The following GPR174 variants were observed in gnomAD, a reference collection of about 807,000 sequenced individuals.
GPR174 encodes probable G protein-coupled receptor 174.
Under a neutral mutation model 16.5 loss-of-function variants are expected in GPR174, and 8 were observed. The ratio of observed to expected loss-of-function variants is 0.48; its 90% CI spans 0.28 to 0.87. GPR174 has a LOEUF of 0.87. GPR174 is among the 40% of genes least tolerant of loss of function. The pLI, the probability that GPR174 is intolerant of heterozygous loss-of-function variation, is 0.09. For synonymous variants in GPR174, 111 were observed against 94.8 expected, an observed-to-expected ratio of 1.17 and a Z score of -0.99; for missense variants, 214 against 247.5, an observed-to-expected ratio of 0.86 and a Z score of 0.91.
chrX:79,158,976 G>T (rs893720085), intron 2 of GPR174, among the ~76,000 whole-genome samples: 2 of 109,325 alleles, frequency 1.8e-5, no homozygotes, highest in African/African-American at 6.7e-5. Context: ...CATACTGCAT[G>T]CCTGTATCAA....
intron 2 of GPR174, among the ~76,000 whole-genome samples, chrX:79,167,625 G>T (rs12845853): frequency 1.8e-5 from 2 of 109,985 alleles, no homozygotes; most frequent in African/African-American, 6.6e-5. Context: ...CTGAGAAAAG[G>T]CAATATGACT....
At position 79,172,055 on chromosome X, in the gene GPR174, A is replaced by G; in HGVS notation, c.*46A>G. 8 of 1,125,647 alleles carry G rather than the reference A, an allele frequency of 7.1e-6. No individual in the cohort carries two copies. In the Middle Eastern group the frequency reaches 1.8e-3, roughly 248 times the overall value. The allele number at this position is 1,125,647 out of a possible 1,213,427, so 92.8% of individuals were successfully genotyped here. ...GTGACCTGAAATGCAAGTACATCAG[A>G]ACATATCTGCAATACCCAAGCCACA... On this transcript the variant is annotated 3_prime_UTR_variant, in exon 3 of 3. Coordinates refer to ENST00000645147, the MANE Select transcript of GPR174 (RefSeq NM_032553.3).
intron 2 of GPR174, among the ~76,000 whole-genome samples, chrX:79,162,657 A>T (rs1921264058): frequency 8.9e-6 from 1 of 112,078 alleles, no homozygotes; most frequent in Admixed American, 9.5e-5. Flanking sequence ...AGATTTACTA[A>T]TGGACATTTA....
chrX:79,153,013 C>T (rs758220982), intron 1 of GPR174, among the ~76,000 whole-genome samples: 2 of 111,869 alleles, frequency 1.8e-5, no homozygotes, highest in Non-Finnish European at 3.8e-5. Context: ...GATTGAAGTG[C>T]TTATGAGGAG....
intron 2 of GPR174, among the ~76,000 whole-genome samples, chrX:79,161,763 G>T (rs1056311037): frequency 4.5e-5 from 5 of 111,654 alleles, no homozygotes; most frequent in Non-Finnish European, 9.4e-5. Flanking sequence ...ATATTTTTGG[G>T]TACTTGCCAA....
At chrX:79,153,244 T>G (rs890373451) in intron 1 of GPR174, among the ~76,000 whole-genome samples, 4 of 111,833 alleles carry the variant, frequency 3.6e-5, no homozygotes, top group Admixed American at 1.9e-4. Context: ...TTTTTTCTGT[T>G]GTGTCACTTC....
chrX:79,161,621 G>T (rs1055961436), intron 2 of GPR174, among the ~76,000 whole-genome samples: 6 of 111,848 alleles, frequency 5.4e-5, no homozygotes, highest in African/African-American at 2.0e-4. Context: ...CTTACTCTCT[G>T]AGTAAATAAT....
intron 1 of GPR174, among the ~76,000 whole-genome samples, chrX:79,155,486 A>T (rs1189783639): frequency 9.0e-6 from 1 of 111,489 alleles, no homozygotes; most frequent in Non-Finnish European, 1.9e-5. Flanking sequence ...TTTATTAAGG[A>T]GTTTTAATGT....
At chrX:79,158,484 G>A (rs1470971641) in intron 2 of GPR174, among the ~76,000 whole-genome samples, 10 of 91,977 alleles carry the variant, frequency 1.1e-4, no homozygotes, top group East Asian at 3.3e-4. Flanking sequence ...TTGCTCTGTC[G>A]CCAGGCTGGA....
chrX:79,152,146 C>T (rs1199169743), intron 1 of GPR174, among the ~76,000 whole-genome samples: 3 of 111,442 alleles, frequency 2.7e-5, no homozygotes, highest in African/African-American at 9.8e-5. Flanking sequence ...TACACAGAGG[C>T]TCTCCTAAAC....
At chrX:79,163,206 A>C (rs1321552877) in intron 2 of GPR174, among the ~76,000 whole-genome samples, 1 of 112,299 alleles carries the variant, frequency 8.9e-6, no homozygotes, top group African/African-American at 3.2e-5. Context: ...AACTGCAGAA[A>C]TATGTCAGTC....
intron 2 of GPR174, among the ~76,000 whole-genome samples, chrX:79,160,619 T>G (rs897236198): frequency 1.9e-4 from 21 of 111,662 alleles, no homozygotes; most frequent in Non-Finnish European, 3.4e-4. Context: ...CTAAAGAGAT[T>G]TCATGAAGAT....
chrX:79,166,350 C>T (rs1295132861), intron 2 of GPR174, among the ~76,000 whole-genome samples: 2 of 99,844 alleles, frequency 2.0e-5, no homozygotes, highest in African/African-American at 7.3e-5. Flanking sequence ...CAGTAGTCAA[C>T]AAAATGGAGC....
chrX:79,160,869 G>A (rs1416676891), intron 2 of GPR174, among the ~76,000 whole-genome samples: 1 of 111,555 alleles, frequency 9.0e-6, no homozygotes, highest in African/African-American at 3.3e-5. Context: ...TATCAGTGAT[G>A]TTCCTAATGT....
At position 79,171,969 on chromosome X, in the gene GPR174, G is replaced by A; in HGVS notation, c.962G>A (p.Ser321Asn). Residue 321 changes from serine to asparagine, a missense_variant, in exon 3 of 3, where the codon AGT (serine) becomes AAT (asparagine). By Grantham distance (46) the Ser-to-Asn change is conservative. Coordinates refer to ENST00000645147, the MANE Select transcript of GPR174 (RefSeq NM_032553.3). ...SIQLHAKSFV[S>N]NHTASTMTPE... ...CAACTCCATGCAAAATCCTTTGTGA[G>A]TAACCATACAGCTTCCACCATGACA... The A allele has an allele frequency of 8.3e-7, 1 of 1,204,343 alleles. No individual in the cohort carries two copies. Among genetic ancestry groups the A allele is most frequent in the Admixed American group, 2.2e-5 (1 of 45,252 alleles).
intron 1 of GPR174, among the ~76,000 whole-genome samples, chrX:79,154,981 A>G (rs1200890956): frequency 8.9e-6 from 1 of 111,973 alleles, no homozygotes; most frequent in Admixed American, 9.5e-5. Context: ...CCATTCTTTG[A>G]TATCTCACCT....
intron 2 of GPR174, among the ~76,000 whole-genome samples, chrX:79,160,280 A>G (rs1477020600): frequency 9.0e-6 from 1 of 111,248 alleles, no homozygotes; most frequent in Non-Finnish European, 1.9e-5. Context: ...TACCCTTAAA[A>G]ATCAAAGATT....
chrX:79,152,478 G>T (rs996509511), intron 1 of GPR174, among the ~76,000 whole-genome samples: 2 of 111,344 alleles, frequency 1.8e-5, no homozygotes, highest in African/African-American at 3.3e-5. Flanking sequence ...GTGAGTTATC[G>T]AATCTTGAGT....
chrX:79,168,109 G>C lies in GPR174; in HGVS notation c.-556-2343G>C, dbSNP rs1293575838. 2.7e-5 allele frequency among the ~76,000 whole-genome samples: 3 copies of C among 112,081 alleles called. No homozygotes were observed. The East Asian group carries it at 8.4e-4, about 31-fold the overall frequency. ...CTGAGATTTGCCTGTGTGCTGATCA[G>C]AATTAGGAAGAAATTGTTCTTTTCT... On this transcript the variant is annotated intron_variant, in intron 2 of 2. Transcript: ENST00000645147.
Sources: allele counts gnomAD v4.1 joint callset (sites outside exome capture counted in the v4.1 genomes callset), GRCh38; gene constraint gnomAD v4.1.1; transcripts MANE v1.5; gene names NCBI Gene and HGNC (gene_info 2026-07-23, HGNC 2026-07-21).